Variants in MCM8 observed in about 807,000 individuals in gnomAD.
MCM8 encodes the protein minichromosome maintenance 8 homologous recombination repair factor.
Under a neutral mutation model 98.9 loss-of-function variants are expected in MCM8, and 85 were observed. The ratio of observed to expected loss-of-function variants is 0.86; its 90% CI spans 0.72 to 1.03. The LOEUF (loss-of-function observed/expected upper bound fraction) is 1.03. MCM8 is among the 50% of genes least tolerant of loss of function. The pLI, the probability that MCM8 is intolerant of heterozygous loss-of-function variation, is 0.00. For synonymous variants in MCM8, 352 were observed against 338.6 expected (o/e 1.04, Z -0.44); for missense variants, 951 against 997.8 (o/e 0.95, Z 0.63).
intron 13 of MCM8, among the ~76,000 whole-genome samples, chr20:5,980,405 A>G (rs1338031197): frequency 6.6e-6 from 1 of 152,222 alleles, no homozygotes; most frequent in African/African-American, 2.4e-5. Flanking sequence ...TATTGAATTT[A>G]TAAATTTATT....
chr20:5,968,688 C>T (rs374917676), intron 10 of MCM8, among the ~76,000 whole-genome samples: 126 of 152,274 alleles, frequency 8.3e-4, no homozygotes, highest in African/African-American at 1.9e-4. Flanking sequence ...ATATATGGCT[C>T]ACATATTTTT....
At chr20:5,981,216 A>C (rs2089623124) in intron 13 of MCM8, among the ~76,000 whole-genome samples, 1 of 152,200 alleles carries the variant, frequency 6.6e-6, no homozygotes, top group South Asian at 2.1e-4. Context: ...TTGCATTAGC[A>C]ATCTTGATAA....
rs773824272 is a variant in MCM8 at position 5,984,765 on chromosome 20, C to T, written c.1734-16C>T. The T allele has an allele frequency of 3.1e-5, 48 of 1,571,992 alleles. No homozygotes were observed. Among genetic ancestry groups the T allele is most frequent in the Non-Finnish European group, 3.9e-5 (45 of 1,147,220 alleles). On this transcript the variant is annotated splice_polypyrimidine_tract_variant and intron_variant, in intron 14 of 18. Transcript: ENST00000610722. ...TGATTCCAATCATTGTTTCTTCTTT[C>T]TTTCATCCTTCATAGAATGGGGAGT...
intron 14 of MCM8, 23 bp from the exon 15 acceptor site, chr20:5,984,758 C>G: frequency 1.3e-6 from 2 of 1,548,432 alleles, no homozygotes; most frequent in Non-Finnish European, 1.8e-6. Context: ...ATCATTGTTT[C>G]TTCTTTCTTT....
At chr20:5,965,424 C>G (rs2089254292) in intron 8 of MCM8, 1 of 152,178 alleles carries the variant, frequency 6.6e-6, no homozygotes, top group African/African-American at 2.4e-5. Flanking sequence ...CATAAAACCT[C>G]CAGCTTTGTC....
At position 5,978,887 on chromosome 20, in the gene MCM8, C is replaced by T. The variant is rs116826255; in HGVS notation, c.1537+870C>T. Among the ~76,000 whole-genome samples the T allele has an allele frequency of 3.5e-3, 530 of 152,234 alleles. 7 individuals are homozygous for T. Among genetic ancestry groups the T allele is most frequent in the African/African-American group, 0.012 (497 of 41,528 alleles). The stretch of plus-strand genomic sequence containing the variant: ...CCTACTTCAGAATGAATAGTTTTGC[C>T]GTATTGTAACTGAACTCATTGGTTT... On this transcript the variant is annotated intron_variant, in intron 13 of 18. Transcript: ENST00000610722.
intron 7 of MCM8, among the ~76,000 whole-genome samples, chr20:5,959,212 T>G (rs1448706537): frequency 6.6e-6 from 1 of 152,240 alleles, no homozygotes; most frequent in Non-Finnish European, 1.5e-5. Context: ...ATAATGTAAT[T>G]AACATTTATC....
intron 12 of MCM8, among the ~76,000 whole-genome samples, chr20:5,974,940 C>G (rs1211806216): frequency 6.6e-6 from 1 of 152,182 alleles, no homozygotes; most frequent in Non-Finnish European, 1.5e-5. Flanking sequence ...GCTCAGGGTA[C>G]CCCTTACAGG....
rs1284630114 is a variant in MCM8 at position 5,994,513 on chromosome 20, A to G, written c.*122A>G. The G allele has an allele frequency of 4.9e-6, 3 of 609,808 alleles. No individual in the cohort carries two copies. The highest frequency in any genetic ancestry group is 8.6e-6 in the Non-Finnish European group (3 of 347,872). The allele number at this position is 609,808 out of a possible 1,614,324, so 37.8% of individuals were successfully genotyped here. ...CACACACACACACACACACACACAC[A>G]CACACACACAGTCAAATACTGTTCT... On this transcript the variant is annotated 3_prime_UTR_variant, in exon 19 of 19. Coordinates refer to ENST00000610722, the MANE Select transcript of MCM8 (RefSeq NM_032485.6).
intron 13 of MCM8, among the ~76,000 whole-genome samples, chr20:5,981,386 A>G (rs1472381606): frequency 6.6e-6 from 1 of 151,724 alleles, no homozygotes; most frequent in East Asian, 2.1e-4. Context: ...AACAGCAGGA[A>G]CAGGCTAATG....
intron 10 of MCM8, 78 bp downstream of exon 10, chr20:5,968,103 AG>A: frequency 7.8e-7 from 1 of 1,282,016 alleles, no homozygotes. Context: ...ACAAAAAACT[AG>A]TCAAAATGGT....
chr20:5,986,029 A>C lies in MCM8; in HGVS notation c.2061A>C (p.Arg687=), dbSNP rs760502548. The change falls in exon 16 of 19, where the codon CGA becomes CGC. Residue 687 remains arginine (R), a synonymous_variant. Coordinates refer to ENST00000610722, the MANE Select transcript of MCM8 (RefSeq NM_032485.6). ...CAAGGCTATCCACAGAAGCTGCTCGAGTTCTTCAAGATTTTTACCTTGAGC... is the reference window on the plus strand; with the variant it reads ...CAAGGCTATCCACAGAAGCTGCTCGCGTTCTTCAAGATTTTTACCTTGAGC... ...VYPRLSTEAA[R]VLQDFYLELR... 1 of 1,614,170 alleles carries C rather than the reference A, an allele frequency of 6.2e-7. No homozygotes were observed. The highest frequency in any genetic ancestry group is 8.5e-7 in the Non-Finnish European group (1 of 1,180,026).
At chr20:5,986,742 C>T (rs2089742506) in intron 16 of MCM8, among the ~76,000 whole-genome samples, 1 of 152,188 alleles carries the variant, frequency 6.6e-6, no homozygotes, top group African/African-American at 2.4e-5. Flanking sequence ...AATGATCACT[C>T]AGAAATATAC....
At chr20:5,974,151 G>A (rs2089461279) in intron 12 of MCM8, among the ~76,000 whole-genome samples, 1 of 151,990 alleles carries the variant, frequency 6.6e-6, no homozygotes, top group Non-Finnish European at 1.5e-5. Flanking sequence ...TTATTTTTTT[G>A]AGACAAGGTC....
chr20:5,996,505 G>C lies in MCM8; in HGVS notation c.*2114G>C, dbSNP rs1404698313. 5 of 151,746 alleles carry C rather than the reference G, an allele frequency of 3.3e-5. No homozygotes were observed. Among genetic ancestry groups the C allele is most frequent in the Non-Finnish European group, 1.5e-5 (1 of 68,010 alleles). 9.4% of individuals were successfully genotyped at this position (151,746 alleles called of 1,614,324 possible). A position where few individuals can be genotyped will look rare whatever the true frequency, so the allele number is the denominator to read the frequency against. Reference sequence around the variant, plus strand: ...CACTCCAGCCTGGGCAACAGAGTGAGACTCTTTCTCCAAACTAAATAAGAG... The same window carrying C: ...CACTCCAGCCTGGGCAACAGAGTGACACTCTTTCTCCAAACTAAATAAGAG... On this transcript the variant is annotated 3_prime_UTR_variant, in exon 19 of 19. Transcript: ENST00000610722.
intron 17 of MCM8, among the ~76,000 whole-genome samples, chr20:5,989,120 C>CTTTTTTTTTTTTTTTTTTT (rs1172678780): frequency 1.7e-5 from 2 of 120,346 alleles, no homozygotes; most frequent in Non-Finnish European, 3.3e-5. Context: ...TAGCGCAAGT[C>CTTTTTTTTTTTTTTTTTTT]TTTTTTTTTT....
At position 5,967,967 on chromosome 20, in the gene MCM8, G is replaced by C; in HGVS notation, c.1165G>C (p.Asp389His). Residue 389 changes from aspartate to histidine, a missense_variant, in exon 10 of 19, where the codon GAC becomes CAC. Transcript: ENST00000610722. ...HGMLMEFSLK[D>H]LYAIQEIQAE... Reference sequence around the variant, plus strand: ...AATGTTGATGGAGTTCTCACTTAAAGACCTTTATGCCATCCAAGAGATTCA... The same window carrying C: ...AATGTTGATGGAGTTCTCACTTAAACACCTTTATGCCATCCAAGAGATTCA... 6.2e-7 allele frequency: 1 copy of C among 1,614,078 alleles called. No individual in the cohort carries two copies. Among genetic ancestry groups the C allele is most frequent in the Non-Finnish European group, 8.5e-7 (1 of 1,180,006 alleles).
At position 5,967,835 on chromosome 20, in the gene MCM8, C is replaced by T. The variant is rs757546009; in HGVS notation, c.1033C>T (p.Arg345Ter). The change falls in exon 10 of 19, where the codon CGA becomes TGA. Residue 345 changes from arginine to a stop codon, truncating the protein, a stop_gained. Coordinates refer to ENST00000610722, the MANE Select transcript of MCM8 (RefSeq NM_032485.6). LOFTEE classifies it high-confidence loss of function. ...TTAACACTTTTAATTTACAGGTTCTCGAAATAAGAATGACAAGTGTATGTT... is the reference window on the plus strand; with the variant it reads ...TTAACACTTTTAATTTACAGGTTCTTGAAATAAGAATGACAAGTGTATGTT... ...VKVSNAEEGS[R>*]NKNDKCMFLL... The T allele has an allele frequency of 2.8e-5, 45 of 1,599,550 alleles. No individual in the cohort carries two copies. Among genetic ancestry groups the T allele is most frequent in the Middle Eastern group, 1.8e-4 (1 of 5,600 alleles).
rs1390554978 is a variant in MCM8 at position 5,950,699 on chromosome 20, G to A, written c.-330G>A. 1 of 323,238 alleles carries A rather than the reference G, an allele frequency of 3.1e-6. No individual in the cohort carries two copies. Among genetic ancestry groups the A allele is most frequent in the Non-Finnish European group, 5.7e-6 (1 of 174,744 alleles). The allele number at this position is 323,238 out of a possible 1,614,324, so 20.0% of individuals were successfully genotyped here. A position where few individuals can be genotyped will look rare whatever the true frequency, so the allele number is the denominator to read the frequency against. ...TGAAGCGCCAAAAAAGAATTTAGGGGAAGACCTGATTTTCGCTTGAGGCAT... is the reference window on the plus strand; with the variant it reads ...TGAAGCGCCAAAAAAGAATTTAGGGAAAGACCTGATTTTCGCTTGAGGCAT... On this transcript the variant is annotated 5_prime_UTR_variant, in exon 1 of 19. Transcript: ENST00000610722.
Sources: gnomAD v4.1 joint callset for allele counts (sites outside exome capture counted in the v4.1 genomes callset) on GRCh38, gnomAD v4.1.1 for gene constraint, MANE v1.5 for transcripts, NCBI Gene and HGNC (gene_info 2026-07-23, HGNC 2026-07-21) for gene names.